CDH18: variants seen among roughly 807,000 people sequenced by gnomAD.
The protein encoded by CDH18 is cadherin-18.
In CDH18, 31 loss-of-function variants were observed where a neutral mutation model predicts 67.9. The ratio of observed to expected loss-of-function variants is 0.46; its 90% CI spans 0.34 to 0.62. The LOEUF is 0.62. Among genes scored for constraint, CDH18 ranks in the 20% least tolerant of loss-of-function variants. The probability of loss-of-function intolerance (pLI) is 0.01; values close to 1 mark genes in which losing one functional copy is unlikely to be tolerated. For missense variants in CDH18, 890 were observed against 975.5 expected (o/e 0.91, Z 1.17); for synonymous variants, 362 against 347.2 (o/e 1.04, Z -0.48).
chr5:20,404,705 A>G (rs1340601401), intron 1 of CDH18, among the ~76,000 whole-genome samples: 1 of 152,172 alleles, frequency 6.6e-6, no homozygotes, highest in Admixed American at 6.5e-5. Context: ...TAATAGTGAC[A>G]AAGTTTGAAA....
chr5:20,435,179 G>A (rs1749078431), intron 1 of CDH18, among the ~76,000 whole-genome samples: 1 of 151,904 alleles, frequency 6.6e-6, no homozygotes, highest in Non-Finnish European at 1.5e-5. Flanking sequence ...AAAGAAAAAG[G>A]CGTTTTGCCT....
At chr5:19,513,836 C>G (rs1242296219) in intron 10 of CDH18, among the ~76,000 whole-genome samples, 2 of 151,418 alleles carry the variant, frequency 1.3e-5, no homozygotes, top group East Asian at 3.9e-4. Flanking sequence ...AAGTGCATTC[C>G]TTTATTTGCA....
At chr5:19,774,420 A>ACAAAAT (rs1774059661) in intron 3 of CDH18, among the ~76,000 whole-genome samples, 1 of 98,860 alleles carries the variant, frequency 1.0e-5, no homozygotes, top group Non-Finnish European at 2.0e-5. Context: ...CAAAAATAAA[A>ACAAAAT]TAAAATTAAA....
At chr5:20,129,021 G>C (rs1749052642) in intron 2 of CDH18, among the ~76,000 whole-genome samples, 1 of 151,902 alleles carries the variant, frequency 6.6e-6, no homozygotes, top group Non-Finnish European at 1.5e-5. Context: ...TGAGAAATGA[G>C]AACACAATAA....
chr5:19,963,270 TAA>T (rs1385621433), intron 2 of CDH18, among the ~76,000 whole-genome samples: 4 of 152,118 alleles, frequency 2.6e-5, no homozygotes, highest in African/African-American at 9.7e-5. Flanking sequence ...TTCAAGGTAT[TAA>T]AACTACAATG....
intron 2 of CDH18, among the ~76,000 whole-genome samples, chr5:20,226,462 GAC>G (rs1741637930): frequency 6.6e-6 from 1 of 152,028 alleles, no homozygotes; most frequent in Non-Finnish European, 1.5e-5. Context: ...TGTGACTTAT[GAC>G]ACAGATTCAT....
At chr5:19,816,718 T>C (rs1779323519) in intron 3 of CDH18, among the ~76,000 whole-genome samples, 1 of 151,804 alleles carries the variant, frequency 6.6e-6, no homozygotes, top group Non-Finnish European at 1.5e-5. Context: ...TCATTCTTTT[T>C]TATTTAATAA....
chr5:20,172,238 A>ACGTATATATACGTATATATATATATACG (rs1250590779), intron 2 of CDH18, among the ~76,000 whole-genome samples: 1 of 118,962 alleles, frequency 8.4e-6, no homozygotes, highest in African/African-American at 3.8e-5. Flanking sequence ...ATATATATAT[A>ACGTATATATACGTATATATATATATACG]TGTATATATA....
At chr5:19,853,117 C>T (rs549812662) in intron 2 of CDH18, among the ~76,000 whole-genome samples, 1 of 152,180 alleles carries the variant, frequency 6.6e-6, no homozygotes, top group African/African-American at 2.4e-5. Flanking sequence ...GTGTAGGTGG[C>T]TTAAATAACA....
intron 2 of CDH18, among the ~76,000 whole-genome samples, chr5:20,044,565 C>A (rs1211114817): frequency 6.6e-6 from 1 of 152,040 alleles, no homozygotes; most frequent in Non-Finnish European, 1.5e-5. Flanking sequence ...ACTTGTTAAC[C>A]CTTTCCAACA....
At chr5:20,372,841 T>A (rs1244668202) in intron 1 of CDH18, among the ~76,000 whole-genome samples, 2 of 151,658 alleles carry the variant, frequency 1.3e-5, no homozygotes, top group Non-Finnish European at 2.9e-5. Flanking sequence ...TATTTTTTAT[T>A]TTTTTTTCCC....
rs5866404 is a variant in CDH18, at chr5:19,873,204, G to GAA, written c.-256-33964_-256-33963dup. On this transcript the variant is annotated intron_variant, in intron 2 of 12. Transcript: ENST00000382275. ...TGAAATTCAGGTAATTATCTTCTGA[G>GAA]AAAAAAAAAAAAAAGCCTGAACAAG... Among the ~76,000 whole-genome samples, 91 of 133,746 alleles carry GAA rather than the reference G, an allele frequency of 6.8e-4. 1 individual carries two copies. The highest frequency in any genetic ancestry group is 3.2e-3 in the South Asian group (14 of 4,324). 87.7% of individuals were successfully genotyped at this position (133,746 alleles called of 152,430 possible).
intron 1 of CDH18, among the ~76,000 whole-genome samples, chr5:20,434,679 G>C (rs1268909900): frequency 6.6e-6 from 1 of 151,948 alleles, no homozygotes; most frequent in Non-Finnish European, 1.5e-5. Context: ...GGTTACTGGG[G>C]ATAGCAGAAT....
intron 3 of CDH18, among the ~76,000 whole-genome samples, chr5:19,769,423 A>AAAC (rs1773479572): frequency 6.6e-6 from 1 of 152,088 alleles, no homozygotes; most frequent in Non-Finnish European, 1.5e-5. Context: ...GAAAACTACT[A>AAAC]TCAACTAAAG....
chr5:20,177,959 T>TG (rs1737372302), intron 2 of CDH18, among the ~76,000 whole-genome samples: 1 of 152,132 alleles, frequency 6.6e-6, no homozygotes, highest in Non-Finnish European at 1.5e-5. Context: ...CTTTCTTTTG[T>TG]AAATTGACCA....
At chr5:20,142,504 C>T (rs1750322404) in intron 2 of CDH18, among the ~76,000 whole-genome samples, 1 of 151,466 alleles carries the variant, frequency 6.6e-6, no homozygotes, top group Non-Finnish European at 1.5e-5. Flanking sequence ...CACTTTAACC[C>T]AGGAGGCAGA....
chr5:20,113,354 G>A (rs1747637090), intron 2 of CDH18, among the ~76,000 whole-genome samples: 1 of 152,134 alleles, frequency 6.6e-6, no homozygotes, highest in Middle Eastern at 3.4e-3. Flanking sequence ...CTTGTTATTT[G>A]TCTATAAAGG....
intron 4 of CDH18, among the ~76,000 whole-genome samples, chr5:19,745,530 G>C (rs1018676418): frequency 6.6e-6 from 1 of 152,186 alleles, no homozygotes; most frequent in Non-Finnish European, 1.5e-5. Flanking sequence ...AGGAGATTAG[G>C]TTTGTGGGTA....
intron 8 of CDH18, among the ~76,000 whole-genome samples, chr5:19,548,161 C>T (rs1188715863): frequency 1.3e-5 from 2 of 151,810 alleles, no homozygotes; most frequent in Non-Finnish European, 2.9e-5. Flanking sequence ...ATGTATATAT[C>T]AATATTTAGA....
Sources: gnomAD v4.1 joint callset for allele counts (sites outside exome capture counted in the v4.1 genomes callset) on GRCh38, gnomAD v4.1.1 for gene constraint, MANE v1.5 for transcripts, NCBI Gene and HGNC (gene_info 2026-07-23, HGNC 2026-07-21) for gene names.